Variants in GCNT2 observed in about 807,000 individuals in gnomAD.
The protein encoded by GCNT2 is glucosaminyl (N-acetyl) transferase 2 (I blood group).
GCNT2 carries 34 observed loss-of-function variants against 34.2 expected under a neutral mutation model. The ratio of observed to expected loss-of-function variants is 1.00; its 90% CI spans 0.76 to 1.32. GCNT2 has a LOEUF of 1.32. GCNT2 is among the 40% of genes most tolerant of loss of function. The pLI is 0.00. For synonymous variants in GCNT2, 212 were observed against 188.0 expected (o/e 1.13, Z -1.04); for missense variants, 584 against 489.4 (o/e 1.19, Z -1.82).
chr6:10,555,752 C>G, intron 3 of GCNT2: 1 of 985,150 alleles, frequency 1.0e-6, no homozygotes, highest in Non-Finnish European at 1.2e-6. Context: ...GGGGTGGGGC[C>G]AAAAAAGCAT....
At chr6:10,581,865 A>C in intron 3 of GCNT2, 2 of 985,008 alleles carry the variant, frequency 2.0e-6, no homozygotes, top group South Asian at 9.4e-5. Context: ...TCTAGTAAGA[A>C]TGAAGAGACA....
chr6:10,600,449 G>A lies in GCNT2; in HGVS notation c.926-20902G>A, dbSNP rs549902564. 7.9e-5 allele frequency among the ~76,000 whole-genome samples: 12 copies of A among 152,092 alleles called. No homozygotes were observed. The South Asian group carries it at 2.3e-3, about 29-fold the overall frequency. Reference sequence around the variant, plus strand: ...TTCACTCTCTTTAGTGTGCAGTTCCGTGTGTTTTGATAGTGGTATAGAGTC... The same window carrying A: ...TTCACTCTCTTTAGTGTGCAGTTCCATGTGTTTTGATAGTGGTATAGAGTC... On this transcript the variant is annotated intron_variant, in intron 3 of 4. Transcript: ENST00000495262.
At chr6:10,557,252 C>A in intron 3 of GCNT2, 2 of 1,605,730 alleles carry the variant, frequency 1.2e-6, no homozygotes, top group Non-Finnish European at 1.7e-6. Context: ...CTTTGTTCTG[C>A]ATGACCCACG....
At chr6:10,553,180 TTAAA>T (rs1402342139) in intron 3 of GCNT2, among the ~76,000 whole-genome samples, 1 of 152,144 alleles carries the variant, frequency 6.6e-6, no homozygotes, top group Non-Finnish European at 1.5e-5. Context: ...GTACATGCAA[TTAAA>T]TAGAGGAAAG....
In GCNT2 at chr6:10,548,870, T is replaced by C. The variant is rs1039658437; in HGVS notation, c.925+19034T>C. ...CACCTCCTGGGTTCAAGCAGTTCTC[T>C]GCCTCAGCCTCCCAAGTAGCTCGGA... is the stretch of plus-strand genomic sequence containing the variant. On this transcript the variant is annotated intron_variant, in intron 3 of 4. Coordinates refer to ENST00000495262, the MANE Select transcript of GCNT2 (RefSeq NM_145649.5). Among the ~76,000 whole-genome samples the C allele has an allele frequency of 2.0e-5, 3 of 152,156 alleles. No homozygotes were observed. In the East Asian group the frequency reaches 5.8e-4, roughly 29 times the overall value.
intron 3 of GCNT2, among the ~76,000 whole-genome samples, chr6:10,601,591 T>C (rs967713725): frequency 6.6e-6 from 1 of 152,184 alleles, no homozygotes; most frequent in Non-Finnish European, 1.5e-5. Context: ...ATATTAGTCA[T>C]TGGTCTTGAT....
At chr6:10,541,549 A>G (rs1762037676) in intron 3 of GCNT2, among the ~76,000 whole-genome samples, 1 of 152,122 alleles carries the variant, frequency 6.6e-6, no homozygotes. Flanking sequence ...AAATTCCTAT[A>G]CGTTTTAGTT....
intron 1 of GCNT2, among the ~76,000 whole-genome samples, chr6:10,526,742 A>G (rs930185122): frequency 6.6e-6 from 1 of 152,156 alleles, no homozygotes; most frequent in Non-Finnish European, 1.5e-5. Flanking sequence ...TGTATTTCCT[A>G]TAGGCAAGAG....
intron 3 of GCNT2, among the ~76,000 whole-genome samples, chr6:10,613,051 CT>C (rs1357810880): frequency 6.6e-6 from 1 of 152,060 alleles, no homozygotes; most frequent in Non-Finnish European, 1.5e-5. Context: ...AACAAAATTC[CT>C]TGTTTTCTTA....
At chr6:10,572,382 C>A (rs9366504) in intron 3 of GCNT2, among the ~76,000 whole-genome samples, 4 of 151,962 alleles carry the variant, frequency 2.6e-5, no homozygotes, top group East Asian at 1.9e-4. Flanking sequence ...AACGCTTTTC[C>A]CATTGTTTTT....
chr6:10,548,013 G>A (rs1311154041), intron 3 of GCNT2, among the ~76,000 whole-genome samples: 4 of 152,168 alleles, frequency 2.6e-5, no homozygotes, highest in Admixed American at 1.3e-4. Context: ...GATGTTCCAA[G>A]CTAATCCTGC....
chr6:10,616,758 T>C (rs571911786), intron 3 of GCNT2, among the ~76,000 whole-genome samples: 4 of 152,054 alleles, frequency 2.6e-5, no homozygotes, highest in Non-Finnish European at 5.9e-5. Context: ...AGAGTGCTGA[T>C]TGCTGTATTT....
At chr6:10,588,922 GGTGTGTTTGTAGTGCGGTGT>G (rs1486361334) in intron 3 of GCNT2, among the ~76,000 whole-genome samples, 2 of 149,016 alleles carry the variant, frequency 1.3e-5, no homozygotes, top group Non-Finnish European at 3.0e-5. Context: ...TGTAGTGTGT[GGTGTGTTTGTAGTGCGGTGT>G]GTGTGTTTGT....
At chr6:10,625,393 T>C (rs139689499) in intron 4 of GCNT2, among the ~76,000 whole-genome samples, 222 of 152,278 alleles carry the variant, frequency 1.5e-3, no homozygotes, top group Middle Eastern at 3.4e-3. Context: ...AACCAGCAAT[T>C]GTCCTGTGTG....
intron 3 of GCNT2, among the ~76,000 whole-genome samples, chr6:10,551,946 T>TG (rs1044801980): frequency 2.0e-5 from 3 of 146,614 alleles, no homozygotes; most frequent in African/African-American, 7.6e-5. Flanking sequence ...TTAGTAGAGA[T>TG]GGGGGTTCCA....
chr6:10,587,051 C>CCAA, intron 3 of GCNT2: 2 of 694,610 alleles, frequency 2.9e-6, no homozygotes, highest in Non-Finnish European at 5.0e-6. Flanking sequence ...CTTGTAGCAA[C>CCAA]AGTGTATTGC....
intron 1 of GCNT2, among the ~76,000 whole-genome samples, chr6:10,524,372 C>T (rs1313451973): frequency 2.0e-5 from 3 of 151,894 alleles, no homozygotes; most frequent in African/African-American, 7.3e-5. Context: ...CTGCCTCAGC[C>T]TCCTGAGTAG....
chr6:10,613,432 C>T (rs1314709980), intron 3 of GCNT2, among the ~76,000 whole-genome samples: 2 of 151,760 alleles, frequency 1.3e-5, no homozygotes, highest in Non-Finnish European at 2.9e-5. Context: ...TGCTAGGATT[C>T]TTGTGAATGA....
At position 10,528,901 on chromosome 6, in the gene GCNT2, C is replaced by T. The variant is rs1761330324; in HGVS notation, c.-11C>T. 1 of 1,596,306 alleles carries T rather than the reference C, an allele frequency of 6.3e-7. No individual in the cohort carries two copies. Among genetic ancestry groups the T allele is most frequent in the Non-Finnish European group, 8.6e-7 (1 of 1,163,998 alleles). ...CAAGAGAGAGATATTTTACTCATTT[C>T]CTGGTTGTGAATGATGGGCTCTTGG... On this transcript the variant is annotated 5_prime_UTR_variant, in exon 3 of 5. Coordinates refer to ENST00000495262, the MANE Select transcript of GCNT2 (RefSeq NM_145649.5).
Sources: gnomAD v4.1 joint callset for allele counts (sites outside exome capture counted in the v4.1 genomes callset) on GRCh38, gnomAD v4.1.1 for gene constraint, MANE v1.5 for transcripts, NCBI Gene and HGNC (gene_info 2026-07-23, HGNC 2026-07-21) for gene names.